Variants in ZBTB20 observed in about 807,000 individuals in gnomAD.
ZBTB20 encodes zinc finger and BTB domain containing 20, also known as zinc finger and BTB domain-containing protein 20.
Under a neutral mutation model 56.9 loss-of-function variants are expected in ZBTB20, and 9 were observed. The observed-to-expected ratio is 0.16, with a 90% CI of 0.10 to 0.28. ZBTB20 has a LOEUF of 0.28. Ranked by LOEUF, ZBTB20 falls within the 10% of genes least tolerant of loss-of-function variation. The pLI, the probability that ZBTB20 is intolerant of heterozygous loss-of-function variation, is 1.00. For synonymous variants in ZBTB20, 417 were observed against 420.7 expected (o/e 0.99, Z 0.11); for missense variants, 655 against 1,003.0 (o/e 0.65, Z 4.69).
At chr3:114,948,032 T>C (rs1040039153) in intron 3 of ZBTB20, among the ~76,000 whole-genome samples, 2 of 145,684 alleles carry the variant, frequency 1.4e-5, no homozygotes, top group African/African-American at 2.8e-5. Context: ...AGCTAATCTC[T>C]CTTTTGAATG....
intron 7 of ZBTB20, among the ~76,000 whole-genome samples, chr3:114,457,755 A>G (rs574837704): frequency 1.4e-4 from 22 of 152,136 alleles, no homozygotes; most frequent in Non-Finnish European, 2.6e-4. Context: ...AGAAAAGAAA[A>G]CTGAGGTATA....
chr3:114,512,489 C>G (rs2045518511), intron 6 of ZBTB20, among the ~76,000 whole-genome samples: 1 of 152,102 alleles, frequency 6.6e-6, no homozygotes, highest in Admixed American at 6.6e-5. Context: ...CCACTTTAGA[C>G]AAGTTATAAA....
chr3:115,006,087 T>C (rs1180903016), intron 2 of ZBTB20, among the ~76,000 whole-genome samples: 3 of 151,764 alleles, frequency 2.0e-5, no homozygotes, highest in African/African-American at 7.3e-5. Context: ...AAACATCCTA[T>C]TCCTTGCCCT....
At chr3:114,764,955 C>A (rs1337841365) in intron 5 of ZBTB20, among the ~76,000 whole-genome samples, 1 of 152,078 alleles carries the variant, frequency 6.6e-6, no homozygotes, top group African/African-American at 2.4e-5. Context: ...TTCTTTAATA[C>A]ACAGTAACAC....
chr3:114,870,570 G>A (rs1232957196), intron 4 of ZBTB20, among the ~76,000 whole-genome samples: 1 of 151,538 alleles, frequency 6.6e-6, no homozygotes, highest in Non-Finnish European at 1.5e-5. Context: ...ATGGTGGTGG[G>A]AATGTGGGAA....
chr3:114,476,193 T>A (rs1454210109), intron 7 of ZBTB20, among the ~76,000 whole-genome samples: 1 of 152,180 alleles, frequency 6.6e-6, no homozygotes, highest in East Asian at 1.9e-4. Flanking sequence ...TTCTATCTAA[T>A]AGATATGTCG....
intron 2 of ZBTB20, among the ~76,000 whole-genome samples, chr3:115,045,845 T>C (rs1050893208): frequency 1.3e-5 from 2 of 152,186 alleles, no homozygotes; most frequent in Non-Finnish European, 2.9e-5. Flanking sequence ...TCTCCTCATA[T>C]TTTAAGATTC....
At chr3:115,087,676 C>T (rs2083038826) in intron 1 of ZBTB20, among the ~76,000 whole-genome samples, 1 of 151,908 alleles carries the variant, frequency 6.6e-6, no homozygotes, top group African/African-American at 2.4e-5. Context: ...TAACTGTAGG[C>T]AAGTTATTTA....
intron 3 of ZBTB20, among the ~76,000 whole-genome samples, chr3:114,936,284 G>T (rs1286316548): frequency 6.6e-6 from 1 of 152,126 alleles, no homozygotes; most frequent in Non-Finnish European, 1.5e-5. Flanking sequence ...ACGCACACAT[G>T]CATGCGCACA....
intron 5 of ZBTB20, 21 bp from the exon 6 acceptor site, chr3:114,693,596 G>GT (rs2062822342): frequency 1.3e-5 from 2 of 152,170 alleles, no homozygotes; most frequent in Admixed American, 6.5e-5. Flanking sequence ...AAGAGTACAG[G>GT]TAAGTGCTAG....
At chr3:115,038,550 T>A (rs2081020732) in intron 2 of ZBTB20, among the ~76,000 whole-genome samples, 1 of 152,160 alleles carries the variant, frequency 6.6e-6, no homozygotes, top group South Asian at 2.1e-4. Flanking sequence ...AGAATACTTG[T>A]TGAACTGACT....
intron 11 of ZBTB20, among the ~76,000 whole-genome samples, chr3:114,348,007 T>A (rs944660270): frequency 6.6e-6 from 1 of 152,246 alleles, no homozygotes; most frequent in Non-Finnish European, 1.5e-5. Context: ...TATGTCCAAA[T>A]CTAGTTATCT....
At chr3:114,391,994 T>C (rs1345551529) in intron 7 of ZBTB20, among the ~76,000 whole-genome samples, 1 of 152,218 alleles carries the variant, frequency 6.6e-6, no homozygotes, top group Non-Finnish European at 1.5e-5. Context: ...ATAACAAATT[T>C]GCTTCATTTA....
chr3:114,726,911 CAAAAAAA>C (rs35565597), intron 5 of ZBTB20, among the ~76,000 whole-genome samples: 2 of 49,294 alleles, frequency 4.1e-5, no homozygotes, highest in African/African-American at 1.9e-4. Flanking sequence ...GACTCCATCA[CAAAAAAA>C]AAAAAAAAAA....
chr3:114,924,984 T>C (rs918788316), intron 3 of ZBTB20, among the ~76,000 whole-genome samples: 6 of 145,752 alleles, frequency 4.1e-5, no homozygotes, highest in South Asian at 2.2e-4. Flanking sequence ...GTTCTTCTTT[T>C]TTTTTTTTTT....
chr3:114,602,669 T>C (rs986337278), intron 6 of ZBTB20, among the ~76,000 whole-genome samples: 2 of 152,002 alleles, frequency 1.3e-5, no homozygotes, highest in African/African-American at 4.8e-5. Context: ...AGATACCTAT[T>C]GAAAGACTGC....
At position 114,448,958 on chromosome 3, in the gene ZBTB20, C is replaced by T. The variant is rs763921911; in HGVS notation, c.-255+51394G>A. 4.6e-5 allele frequency among the ~76,000 whole-genome samples: 7 copies of T among 152,046 alleles called. No individual in the cohort carries two copies. The South Asian group carries it at 1.0e-3, about 23-fold the overall frequency. ...CTGTGGGTGTGAATGTATATATATA[C>T]CTGCCCAGGTATTACTGACTGACAC... On this transcript the variant is annotated intron_variant, in intron 7 of 11. Coordinates refer to ENST00000675478, the MANE Select transcript of ZBTB20 (RefSeq NM_001348800.3).
chr3:115,042,735 T>C (rs1273592950), intron 2 of ZBTB20, among the ~76,000 whole-genome samples: 2 of 152,210 alleles, frequency 1.3e-5, no homozygotes, highest in East Asian at 3.8e-4. Context: ...ACTAAAATTT[T>C]ATTTTACAGT....
chr3:115,129,021 CCCGGGAGGCAGAGCTTG>C (rs1012596451), intron 1 of ZBTB20, among the ~76,000 whole-genome samples: 8 of 151,980 alleles, frequency 5.3e-5, no homozygotes, highest in Non-Finnish European at 8.8e-5. Flanking sequence ...ATGGCGTGAA[CCCGGGAGGCAGAGCTTG>C]CAGTGAGCCG....
Sources: gnomAD v4.1 joint callset for allele counts (sites outside exome capture counted in the v4.1 genomes callset) on GRCh38, gnomAD v4.1.1 for gene constraint, MANE v1.5 for transcripts, NCBI Gene and HGNC (gene_info 2026-07-23, HGNC 2026-07-21) for gene names.